Variants in ZDHHC14 observed in about 807,000 individuals in gnomAD.
ZDHHC14 encodes the protein palmitoyltransferase ZDHHC14.
ZDHHC14 carries 16 observed loss-of-function variants against 47.7 expected under a neutral mutation model. That is an observed-to-expected ratio of 0.34 (90% CI 0.23 to 0.51). The LOEUF (loss-of-function observed/expected upper bound fraction) is 0.51. Ranked by LOEUF, ZDHHC14 falls within the 20% of genes least tolerant of loss-of-function variation. The pLI is 0.97. For synonymous variants in ZDHHC14, 293 were observed against 278.9 expected (o/e 1.05, Z -0.50); for missense variants, 515 against 662.5 (o/e 0.78, Z 2.44).
chr6:157,672,655 ATCC>A, intron 8 of ZDHHC14, 66 bp from the exon 9 acceptor site: 1 of 259,526 alleles, frequency 3.9e-6, no homozygotes, highest in Non-Finnish European at 6.6e-6. Context: ...CCCTGTCCCC[ATCC>A]CTGTCCCTCC....
intron 1 of ZDHHC14, among the ~76,000 whole-genome samples, chr6:157,471,930 T>C (rs983369903): frequency 6.6e-6 from 1 of 152,094 alleles, no homozygotes; most frequent in Non-Finnish European, 1.5e-5. Context: ...TGGCACCGGG[T>C]GAAACTTGGG....
At chr6:157,569,223 A>C (rs1218094020) in intron 2 of ZDHHC14, among the ~76,000 whole-genome samples, 1 of 151,998 alleles carries the variant, frequency 6.6e-6, no homozygotes, top group African/African-American at 2.4e-5. Flanking sequence ...CCTCCTAATC[A>C]GATAAGTTTA....
At chr6:157,635,645 G>A (rs973802253) in intron 5 of ZDHHC14, among the ~76,000 whole-genome samples, 2 of 152,212 alleles carry the variant, frequency 1.3e-5, no homozygotes, top group Non-Finnish European at 2.9e-5. Flanking sequence ...GAGAGCACAC[G>A]TCTGCACGCT....
rs966415125 is a variant in ZDHHC14, at chr6:157,461,072, A to G, written c.245+78806A>G. Among the ~76,000 whole-genome samples the G allele has an allele frequency of 2.6e-5, 4 of 152,360 alleles. No homozygotes were observed. The East Asian group carries it at 7.7e-4, about 29-fold the overall frequency. The stretch of plus-strand genomic sequence containing the variant: ...AAGGCCTGGTTAAAATGCACATGCA[A>G]TTCATAGCGGGGCCTCTGATGTCAT... On this transcript the variant is annotated intron_variant, in intron 1 of 8. Transcript: ENST00000359775.
intron 1 of ZDHHC14, among the ~76,000 whole-genome samples, chr6:157,515,762 G>C (rs984961237): frequency 6.6e-6 from 1 of 151,936 alleles, no homozygotes; most frequent in Admixed American, 6.6e-5. Flanking sequence ...ACCGCGCCCG[G>C]CCCACCCTTC....
chr6:157,654,625 G>T (rs1777999525), intron 8 of ZDHHC14, among the ~76,000 whole-genome samples: 1 of 152,134 alleles, frequency 6.6e-6, no homozygotes, highest in African/African-American at 2.4e-5. Flanking sequence ...AAGTTCCACA[G>T]CTGCGTGAAC....
At chr6:157,428,404 G>C (rs529430011) in intron 1 of ZDHHC14, among the ~76,000 whole-genome samples, 1 of 151,630 alleles carries the variant, frequency 6.6e-6, no homozygotes, top group African/African-American at 2.4e-5. Flanking sequence ...CCTGTGAAAA[G>C]ATAAGCTTTA....
intron 1 of ZDHHC14, among the ~76,000 whole-genome samples, chr6:157,465,943 G>C (rs913735249): frequency 6.6e-6 from 1 of 152,134 alleles, no homozygotes; most frequent in African/African-American, 2.4e-5. Context: ...TCGGGAGGCG[G>C]AGACACGAAA....
intron 1 of ZDHHC14, among the ~76,000 whole-genome samples, chr6:157,416,510 CA>C (rs1183311177): frequency 6.7e-6 from 1 of 149,292 alleles, no homozygotes; most frequent in Non-Finnish European, 1.5e-5. Flanking sequence ...AAAAAACAAG[CA>C]AAAAAAAATT....
At chr6:157,627,989 G>T (rs1295230577) in intron 3 of ZDHHC14, among the ~76,000 whole-genome samples, 1 of 152,148 alleles carries the variant, frequency 6.6e-6, no homozygotes, top group Non-Finnish European at 1.5e-5. Context: ...AGGCGGTGTT[G>T]GTTCCCTCTT....
chr6:157,637,922 C>T (rs910255236), intron 5 of ZDHHC14, among the ~76,000 whole-genome samples: 2 of 152,202 alleles, frequency 1.3e-5, no homozygotes, highest in African/African-American at 2.4e-5. Flanking sequence ...GCAGAAATAT[C>T]AGTGTCAATG....
At chr6:157,431,258 A>G (rs1033093329) in intron 1 of ZDHHC14, among the ~76,000 whole-genome samples, 2 of 152,174 alleles carry the variant, frequency 1.3e-5, no homozygotes, top group African/African-American at 4.8e-5. Flanking sequence ...CAAATAGATC[A>G]CTCAGCTGGT....
At chr6:157,450,301 T>C (rs1778773331) in intron 1 of ZDHHC14, among the ~76,000 whole-genome samples, 1 of 152,044 alleles carries the variant, frequency 6.6e-6, no homozygotes, top group Admixed American at 6.5e-5. Flanking sequence ...CAAACAAATG[T>C]GTTTAAAGAG....
intron 3 of ZDHHC14, among the ~76,000 whole-genome samples, chr6:157,594,559 C>A (rs2114895697): frequency 6.6e-6 from 1 of 152,322 alleles, no homozygotes; most frequent in African/African-American, 2.4e-5. Context: ...AAGTGCCTGG[C>A]ATGTAGCAGA....
At chr6:157,506,593 T>C (rs1780330367) in intron 1 of ZDHHC14, among the ~76,000 whole-genome samples, 2 of 111,846 alleles carry the variant, frequency 1.8e-5, no homozygotes, top group African/African-American at 6.1e-5. Context: ...AACTTAGCAA[T>C]GACAAGCTAG....
intron 3 of ZDHHC14, among the ~76,000 whole-genome samples, chr6:157,598,638 T>C (rs1784222379): frequency 6.6e-6 from 1 of 152,190 alleles, no homozygotes; most frequent in African/African-American, 2.4e-5. Context: ...CATCAAAATA[T>C]ATAAAGTAAA....
chr6:157,600,890 G>A (rs1216842833), intron 3 of ZDHHC14, among the ~76,000 whole-genome samples: 1 of 152,214 alleles, frequency 6.6e-6, no homozygotes, highest in East Asian at 1.9e-4. Flanking sequence ...GCTGACTTGA[G>A]AGAGTTTATC....
rs1211348323 is a variant in ZDHHC14, at chr6:157,431,649, A to T, written c.245+49383A>T. ...ACTACTCACCTCCTTAGGAAATTTG[A>T]TCTGAACCAAACAAGCCACAATAAA... On this transcript the variant is annotated intron_variant, in intron 1 of 8. Coordinates refer to ENST00000359775, the MANE Select transcript of ZDHHC14 (RefSeq NM_024630.3). Among the ~76,000 whole-genome samples the T allele has an allele frequency of 2.0e-5, 3 of 151,940 alleles. No homozygotes were observed. The East Asian group carries it at 5.8e-4, about 29-fold the overall frequency.
chr6:157,411,783 C>T (rs937235058), intron 1 of ZDHHC14, among the ~76,000 whole-genome samples: 5 of 150,548 alleles, frequency 3.3e-5, no homozygotes, highest in Non-Finnish European at 5.9e-5. Flanking sequence ...TAAAGCTTTC[C>T]AGGCATCTCT....
Sources: gnomAD v4.1 joint callset for allele counts (sites outside exome capture counted in the v4.1 genomes callset) on GRCh38, gnomAD v4.1.1 for gene constraint, MANE v1.5 for transcripts, NCBI Gene and HGNC (gene_info 2026-07-23, HGNC 2026-07-21) for gene names.